Variants in GABBR2 observed in about 807,000 individuals in gnomAD.
GABBR2 encodes the protein gamma-aminobutyric acid type B receptor subunit 2.
In GABBR2, 23 loss-of-function variants were observed where a neutral mutation model predicts 105.6. The observed-to-expected ratio is 0.22, with a 90% CI of 0.16 to 0.31. The LOEUF is 0.31. Ranked by LOEUF, GABBR2 falls within the 10% of genes least tolerant of loss-of-function variation. The pLI is 1.00. For missense variants in GABBR2, 734 were observed against 1,245.5 expected, an observed-to-expected ratio of 0.59 and a Z score of 6.18; for synonymous variants, 478 against 499.7, an observed-to-expected ratio of 0.96 and a Z score of 0.58.
intron 1 of GABBR2, among the ~76,000 whole-genome samples, chr9:98,611,310 T>C (rs745819705): frequency 2.0e-5 from 3 of 150,784 alleles, no homozygotes; most frequent in Non-Finnish European, 4.4e-5. Context: ...TCACTCACAG[T>C]CCCTTGTAGC....
rs7856392 is a variant in GABBR2 at position 98,306,685 on chromosome 9, T to G, written c.2005-340A>C. The G allele has an allele frequency of 0.17, 55,939 of 335,994 alleles. 4,984 individuals are homozygous for G. Among genetic ancestry groups the G allele is most frequent in the Middle Eastern group, 0.26 (273 of 1,044 alleles). The allele number at this position is 335,994 out of a possible 1,614,324, so 20.8% of individuals were successfully genotyped here. A position where few individuals can be genotyped will look rare whatever the true frequency, so the allele number is the denominator to read the frequency against. ...TCCCTCACTCTCTAGGGAATACTAA[T>G]ATCCAGAAGGGTGAAGAGGTCTGCC... On this transcript the variant is annotated intron_variant, in intron 14 of 18. Coordinates refer to ENST00000259455, the MANE Select transcript of GABBR2 (RefSeq NM_005458.8). The surrounding 1 kb of genome is among the most constrained non-coding windows in gnomAD (Gnocchi z 5.4).
intron 5 of GABBR2, among the ~76,000 whole-genome samples, chr9:98,478,281 C>G (rs1826835909): frequency 6.6e-6 from 1 of 152,138 alleles, no homozygotes; most frequent in African/African-American, 2.4e-5. Flanking sequence ...GGAAGGCTCT[C>G]TTGGGGGCCT....
At chr9:98,603,712 C>T (rs1239442231) in intron 1 of GABBR2, among the ~76,000 whole-genome samples, 1 of 152,178 alleles carries the variant, frequency 6.6e-6, no homozygotes, top group African/African-American at 2.4e-5. Context: ...GCTCAGAAAT[C>T]TCAAACGGTT....
intron 17 of GABBR2, among the ~76,000 whole-genome samples, chr9:98,297,891 G>A (rs986628128): frequency 2.0e-5 from 3 of 151,340 alleles, no homozygotes; most frequent in Non-Finnish European, 2.9e-5. Context: ...GGGTGTGGTG[G>A]TGGGCACCTG....
At position 98,454,222 on chromosome 9, in the gene GABBR2, A is replaced by G. The variant is rs911112407; in HGVS notation, c.1000-5T>C. The stretch of plus-strand genomic sequence containing the variant: ...TCTCTCATACTGCTGTGGAGTCTGG[A>G]AAAACAGGGGATTGGGGGAATCCCA... On this transcript the variant is annotated splice_polypyrimidine_tract_variant and splice_region_variant and intron_variant, in intron 6 of 18. Transcript: ENST00000259455. The surrounding 1 kb of genome is among the most constrained non-coding windows in gnomAD (Gnocchi z 4.6). The G allele has an allele frequency of 6.3e-7, 1 of 1,596,794 alleles. No individual in the cohort carries two copies. The highest frequency in any genetic ancestry group is 8.6e-7 in the Non-Finnish European group (1 of 1,164,270).
intron 2 of GABBR2, among the ~76,000 whole-genome samples, chr9:98,575,543 G>C (rs1828895424): frequency 6.6e-6 from 1 of 152,162 alleles, no homozygotes; most frequent in African/African-American, 2.4e-5. Flanking sequence ...TTACTACCTT[G>C]ATTATGCAGA....
At chr9:98,457,171 C>T (rs530089363) in intron 6 of GABBR2, among the ~76,000 whole-genome samples, 2 of 152,338 alleles carry the variant, frequency 1.3e-5, no homozygotes, top group African/African-American at 2.4e-5. Context: ...TTGGATTTTG[C>T]TCCTATGAGC....
chr9:98,306,613 G>T lies in GABBR2; in HGVS notation c.2005-268C>A, dbSNP rs1290675720. 7.9e-6 allele frequency: 4 copies of T among 508,096 alleles called. No homozygotes were observed. The highest frequency in any genetic ancestry group is 1.4e-5 in the Non-Finnish European group (4 of 279,474). 31.5% of individuals were successfully genotyped at this position (508,096 alleles called of 1,614,324 possible). A position where few individuals can be genotyped will look rare whatever the true frequency, so the allele number is the denominator to read the frequency against. On this transcript the variant is annotated intron_variant, in intron 14 of 18. Transcript: ENST00000259455. This position sits in a 1 kb window ranked among gnomAD's most constrained non-coding sequence, Gnocchi z 5.4. Reference sequence around the variant, plus strand: ...CTATGACTGGTTCATGCACAGACCTGCCCAAGGCTACAGTGGAAGGGAACT... The same window carrying T: ...CTATGACTGGTTCATGCACAGACCTTCCCAAGGCTACAGTGGAAGGGAACT...
At chr9:98,593,699 C>T (rs185743245) in intron 1 of GABBR2, among the ~76,000 whole-genome samples, 43 of 152,294 alleles carry the variant, frequency 2.8e-4, no homozygotes, top group East Asian at 7.7e-4. Flanking sequence ...TCCTAGCACA[C>T]GGGCCAGAGC....
chr9:98,409,187 G>C (rs909340484), intron 7 of GABBR2, among the ~76,000 whole-genome samples: 2 of 152,186 alleles, frequency 1.3e-5, no homozygotes, highest in Non-Finnish European at 2.9e-5. Flanking sequence ...GTGGACAGGG[G>C]CCAGGTCACA....
chr9:98,525,092 C>T (rs751733453), intron 3 of GABBR2, among the ~76,000 whole-genome samples: 11 of 152,084 alleles, frequency 7.2e-5, no homozygotes, highest in Non-Finnish European at 1.6e-4. Context: ...TGTTCATGAC[C>T]TTGAATTAGA....
At chr9:98,356,312 G>A (rs1376816181) in intron 13 of GABBR2, among the ~76,000 whole-genome samples, 1 of 152,080 alleles carries the variant, frequency 6.6e-6, no homozygotes, top group Non-Finnish European at 1.5e-5. Flanking sequence ...AAATATACAA[G>A]GACCTCTTAA....
intron 1 of GABBR2, among the ~76,000 whole-genome samples, chr9:98,706,085 A>C (rs1830888384): frequency 7.8e-6 from 1 of 127,522 alleles, no homozygotes; most frequent in African/African-American, 3.0e-5. Context: ...TCAAAAAAAC[A>C]AAAACAAAAC....
intron 1 of GABBR2, among the ~76,000 whole-genome samples, chr9:98,635,391 G>A (rs1195437278): frequency 6.6e-6 from 1 of 152,184 alleles, no homozygotes; most frequent in East Asian, 1.9e-4. Context: ...GGTGGCATGG[G>A]GAGGATGGGA....
intron 13 of GABBR2, among the ~76,000 whole-genome samples, chr9:98,350,207 T>C (rs1169276816): frequency 2.0e-5 from 3 of 151,324 alleles, no homozygotes; most frequent in African/African-American, 7.3e-5. Flanking sequence ...GTTCTCATTT[T>C]CTTCATCCTT....
At chr9:98,651,333 AG>A (rs1356379704) in intron 1 of GABBR2, among the ~76,000 whole-genome samples, 1 of 151,876 alleles carries the variant, frequency 6.6e-6, no homozygotes, top group African/African-American at 2.4e-5. Flanking sequence ...TAGTAGAGAC[AG>A]GGTTTCACCA....
At chr9:98,675,245 T>C (rs1041771771) in intron 1 of GABBR2, among the ~76,000 whole-genome samples, 1 of 152,114 alleles carries the variant, frequency 6.6e-6, no homozygotes, top group African/African-American at 2.4e-5. Context: ...AATGGTGCTT[T>C]GGTCAGTGGC....
At chr9:98,619,551 G>A (rs530545856) in intron 1 of GABBR2, among the ~76,000 whole-genome samples, 1 of 152,282 alleles carries the variant, frequency 6.6e-6, no homozygotes, top group Middle Eastern at 3.4e-3. Flanking sequence ...ATCCAAGTCT[G>A]ATTTTTCAAT....
intron 13 of GABBR2, among the ~76,000 whole-genome samples, chr9:98,332,488 C>T (rs1359994860): frequency 2.0e-5 from 3 of 152,162 alleles, no homozygotes; most frequent in Non-Finnish European, 4.4e-5. Context: ...CCCCTATGGG[C>T]ACTGGGGCTC....
Sources: allele counts gnomAD v4.1 joint callset (sites outside exome capture counted in the v4.1 genomes callset), GRCh38; gene constraint gnomAD v4.1.1; non-coding constraint Gnocchi (gnomAD v3.1); transcripts MANE v1.5; gene names NCBI Gene and HGNC (gene_info 2026-07-23, HGNC 2026-07-21).